Variants in DOCK9 observed in about 807,000 individuals in gnomAD.
DOCK9 encodes dedicator of cytokinesis protein 9.
In DOCK9, 89 loss-of-function variants were observed where a neutral mutation model predicts 263.3. That is an observed-to-expected ratio of 0.34 (90% CI 0.28 to 0.40). The LOEUF (loss-of-function observed/expected upper bound fraction) is 0.40, where lower values mean the gene tolerates loss of function less well. DOCK9 is among the 10% of genes least tolerant of loss of function. DOCK9 has a pLI of 1.00. For missense variants in DOCK9, 2,140 were observed against 2,603.4 expected (o/e 0.82, Z 3.87); for synonymous variants, 976 against 973.1 (o/e 1.00, Z -0.06).
rs1244512354 is a variant in DOCK9, at chr13:98,989,361, AATAATAATAATAATAATG to A, written c.130-33828_130-33811del. On this transcript the variant is annotated intron_variant, in intron 1 of 32. Coordinates refer to the DOCK9 transcript ENST00000427887. ...TGATGATGATGATAATAATAATAAT[AATAATAATAATAATAATG>A]ATAATACAGATTCCAGGACCTCACC... 1.6e-4 allele frequency among the ~76,000 whole-genome samples: 21 copies of A among 134,222 alleles called. 1 individual carries two copies. The highest frequency in any genetic ancestry group is 1.2e-3 in the South Asian group (5 of 4,100). The allele number at this position is 134,222 out of a possible 152,430, so 88.1% of individuals were successfully genotyped here. A position where few individuals can be genotyped will look rare whatever the true frequency, so the allele number is the denominator to read the frequency against.
In DOCK9 at chr13:98,848,951, C is replaced by T. The variant is rs531243203; in HGVS notation, c.4014-312G>A. 1.1e-4 allele frequency among the ~76,000 whole-genome samples: 17 copies of T among 152,250 alleles called. No homozygotes were observed. The South Asian group carries it at 3.3e-3, about 30-fold the overall frequency. On this transcript the variant is annotated intron_variant, in intron 36 of 52. Transcript: ENST00000682017. ...TCGACTCAGAGGTAGTGATTCACTC[C>T]ACGGCAGTGTGCCCGAGAAAACATG...
At chr13:98,808,730 T>C in intron 47 of DOCK9, 2 of 1,174,868 alleles carry the variant, frequency 1.7e-6, no homozygotes, top group Non-Finnish European at 2.5e-6. Flanking sequence ...ATAATGCTCA[T>C]AGAAAACCAC....
chr13:99,034,752 G>A (rs956746371), intron 1 of DOCK9, among the ~76,000 whole-genome samples: 3 of 152,158 alleles, frequency 2.0e-5, no homozygotes, highest in Non-Finnish European at 2.9e-5. Context: ...AACAAAAATG[G>A]TGAGCAGAGT....
chr13:98,985,015 GACA>G (rs1245785814), intron 1 of DOCK9, among the ~76,000 whole-genome samples: 1 of 130,256 alleles, frequency 7.7e-6, no homozygotes, highest in African/African-American at 2.9e-5. Context: ...GGAGCCAGCA[GACA>G]ACAAGAACAT....
intron 5 of DOCK9, 121 bp downstream of exon 5, chr13:98,923,180 TG>T (rs1313855180): frequency 2.3e-6 from 2 of 872,990 alleles, no homozygotes; most frequent in African/African-American, 3.4e-5. Context: ...TCCCGTTTCA[TG>T]TAACACTCCA....
At chr13:98,957,905 T>C (rs527424064) in intron 1 of DOCK9, among the ~76,000 whole-genome samples, 4 of 152,076 alleles carry the variant, frequency 2.6e-5, no homozygotes, top group African/African-American at 9.6e-5. Context: ...CCAGGGAGAC[T>C]CTTTCATGAC....
intron 1 of DOCK9, among the ~76,000 whole-genome samples, chr13:98,969,540 G>C (rs1248327556): frequency 2.0e-5 from 3 of 152,184 alleles, no homozygotes; most frequent in African/African-American, 7.2e-5. Flanking sequence ...TTCTTGTTGG[G>C]CAGAAGCCCC....
chr13:98,926,346 T>C (rs2140188387), intron 3 of DOCK9, among the ~76,000 whole-genome samples: 2 of 152,352 alleles, frequency 1.3e-5, no homozygotes, highest in South Asian at 4.1e-4. Context: ...GCTAGCTCTG[T>C]TAGTTAATAT....
At chr13:99,013,012 G>C (rs986111387) in intron 1 of DOCK9, among the ~76,000 whole-genome samples, 1 of 152,152 alleles carries the variant, frequency 6.6e-6, no homozygotes, top group Non-Finnish European at 1.5e-5. Flanking sequence ...TTCCCTCATT[G>C]ATTGAGCATT....
chr13:98,863,186 A>G, intron 31 of DOCK9, 54 bp from the exon 32 acceptor site: 1 of 1,534,892 alleles, frequency 6.5e-7, no homozygotes, highest in Non-Finnish European at 8.9e-7. Context: ...GAACCGAACT[A>G]AGTTGGTGCT....
chr13:98,987,380 A>T (rs1878715684), intron 1 of DOCK9, among the ~76,000 whole-genome samples: 1 of 152,258 alleles, frequency 6.6e-6, no homozygotes, highest in African/African-American at 2.4e-5. Flanking sequence ...AAGTGTGGTT[A>T]AAAAAGACAG....
rs567087870 is a variant in DOCK9 at position 98,901,595 on chromosome 13, C to T, written c.1503+183G>A. 4.6e-5 allele frequency among the ~76,000 whole-genome samples: 7 copies of T among 152,346 alleles called. No individual in the cohort carries two copies. In the South Asian group the frequency reaches 1.2e-3, roughly 27 times the overall value. On this transcript the variant is annotated intron_variant, in intron 13 of 52. Transcript: ENST00000682017. The stretch of plus-strand genomic sequence containing the variant: ...AGTCAAGTGGATCATTTTATTTACA[C>T]ATAGGACTACATTTCCTTCAAAATC...
At chr13:98,914,150 A>G (rs1262188603) in intron 9 of DOCK9, among the ~76,000 whole-genome samples, 178 bp downstream of exon 9, 3 of 152,232 alleles carry the variant, frequency 2.0e-5, no homozygotes, top group African/African-American at 7.2e-5. Flanking sequence ...TTTTTAGAAG[A>G]CAGACCTGAA....
At chr13:99,060,189 T>A (rs2041123789) in intron 1 of DOCK9, among the ~76,000 whole-genome samples, 1 of 144,344 alleles carries the variant, frequency 6.9e-6, no homozygotes, top group South Asian at 2.4e-4. Flanking sequence ...TTCTCCTGCC[T>A]CAGCCTCCTG....
intron 1 of DOCK9, among the ~76,000 whole-genome samples, chr13:99,010,348 C>A (rs997510159): frequency 6.6e-6 from 1 of 152,228 alleles, no homozygotes; most frequent in African/African-American, 2.4e-5. Context: ...CCATCACAAA[C>A]TTGCCTAGAC....
At chr13:98,921,801 T>C (rs4772158) in intron 6 of DOCK9, among the ~76,000 whole-genome samples, 97,477 of 151,998 alleles carry the variant, frequency 0.64, 31,810 homozygotes, top group Middle Eastern at 0.77. Context: ...AGAAAGCCTA[T>C]GTCAGTGTCT....
intron 33 of DOCK9, 136 bp downstream of exon 33, chr13:98,860,269 C>T (rs961781429): frequency 1.4e-6 from 2 of 1,470,598 alleles, no homozygotes; most frequent in Non-Finnish European, 1.8e-6. Flanking sequence ...CTATCACAAG[C>T]AGGAAAAGAA....
intron 1 of DOCK9, among the ~76,000 whole-genome samples, chr13:99,073,675 T>G (rs76963461): frequency 0.016 from 2,403 of 152,202 alleles, 65 homozygotes; most frequent in African/African-American, 0.054. Context: ...AACAGTAGAG[T>G]TGGCCTAACC....
Position 98,888,860 on chromosome 13 carries a change from C to A in DOCK9, c.1710-149G>T, listed in dbSNP as rs2046201022. 23 of 648,656 alleles carry A rather than the reference C, an allele frequency of 3.5e-5. No individual in the cohort carries two copies. The South Asian group carries it at 4.7e-4, about 13-fold the overall frequency. 40.2% of individuals were successfully genotyped at this position (648,656 alleles called of 1,614,324 possible). A position where few individuals can be genotyped will look rare whatever the true frequency, so the allele number is the denominator to read the frequency against. On this transcript the variant is annotated intron_variant, in intron 15 of 52. Coordinates refer to ENST00000682017, the MANE Select transcript of DOCK9 (RefSeq NM_001366683.2). The stretch of plus-strand genomic sequence containing the variant: ...CCTCATGAAAAACAGCAAACAGGAA[C>A]TGGTAACATTAATTTTAATAATATA...
Sources: allele counts gnomAD v4.1 joint callset (sites outside exome capture counted in the v4.1 genomes callset), GRCh38; gene constraint gnomAD v4.1.1; transcripts MANE v1.5; gene names NCBI Gene and HGNC (gene_info 2026-07-23, HGNC 2026-07-21).